Variants in RAB11FIP1 observed in about 807,000 individuals in gnomAD.
RAB11FIP1 encodes the protein RAB11 family interacting protein 1.
RAB11FIP1 carries 49 observed loss-of-function variants against 83.1 expected under a neutral mutation model. The observed-to-expected ratio is 0.59, with a 90% CI of 0.47 to 0.75. The LOEUF is 0.75. Among genes scored for constraint, RAB11FIP1 ranks in the 30% least tolerant of loss-of-function variants. The probability of loss-of-function intolerance (pLI) is 0.00; values close to 1 mark genes in which losing one functional copy is unlikely to be tolerated. For synonymous variants in RAB11FIP1, 670 were observed against 656.0 expected (o/e 1.02, Z -0.33); for missense variants, 1,536 against 1,598.7 (o/e 0.96, Z 0.67).
chr8:37,886,634 C>T (rs903034250), intron 1 of RAB11FIP1, among the ~76,000 whole-genome samples: 3 of 152,166 alleles, frequency 2.0e-5, no homozygotes, highest in Admixed American at 6.5e-5. Context: ...GTCATCTCCA[C>T]GTTAACCAGG....
chr8:37,863,062 C>T lies in RAB11FIP1; in HGVS notation c.3685G>A (p.Glu1229Lys). ...AFAYAQLTHDELIQLVLKQKE... is the reference protein window; with the variant it reads ...AFAYAQLTHDKLIQLVLKQKE... ...TGTTTGAGGACCAGCTGAATCAGCT[C>T]ATCGTGGGTCAGCTGCGCATATGCA... The change falls in exon 6 of 6, where the codon GAG (glutamate) becomes AAG (lysine). Residue 1229 changes from glutamate (E) to lysine (K), a missense_variant. Coordinates refer to ENST00000330843, the MANE Select transcript of RAB11FIP1 (RefSeq NM_001002814.3). 1.9e-6 allele frequency: 3 copies of T among 1,612,800 alleles called. No individual in the cohort carries two copies. Among genetic ancestry groups the T allele is most frequent in the Non-Finnish European group, 2.5e-6 (3 of 1,179,986 alleles).
intron 5 of RAB11FIP1, among the ~76,000 whole-genome samples, chr8:37,863,859 C>G (rs188310571): frequency 2.6e-5 from 4 of 152,288 alleles, no homozygotes; most frequent in Admixed American, 6.5e-5. Context: ...ACTAGGAGCT[C>G]ACACAACCAA....
chr8:37,889,827 G>A (rs114782767), intron 1 of RAB11FIP1, among the ~76,000 whole-genome samples: 4,572 of 151,886 alleles, frequency 0.03, 231 homozygotes, highest in African/African-American at 0.1. Context: ...AGAGTCACCC[G>A]GGCTGGAGTG....
rs765756834 is a variant in RAB11FIP1 at position 37,877,187 on chromosome 8, C to G, written c.736G>C (p.Val246Leu). The G allele has an allele frequency of 3.7e-6, 6 of 1,614,158 alleles. No individual in the cohort carries two copies. The East Asian group carries it at 1.1e-4, about 30-fold the overall frequency. Residue 246 changes from valine to leucine, a missense_variant, in exon 2 of 6, where the codon GTG becomes CTG. By Grantham distance (32) the Val-to-Leu change is conservative. Transcript: ENST00000330843. ...SVLPTSKPEK[V>L]LLRPGDFQSQ... ...TGAAAGTCTCCGGGACGAAGCAGCA[C>G]TTTTTCTGGCTTTGAAGTCGGCAGG...
Position 37,872,314 on chromosome 8 carries a change from C to T in RAB11FIP1, c.2488G>A (p.Gly830Arg), listed in dbSNP as rs1449033464. The T allele has an allele frequency of 7.4e-6, 12 of 1,614,028 alleles. No homozygotes were observed. Among genetic ancestry groups the T allele is most frequent in the Non-Finnish European group, 1.0e-5 (12 of 1,179,966 alleles). ...AVAGAALLVEGHSSCPQELNP... is the reference protein window; with the variant it reads ...AVAGAALLVERHSSCPQELNP... ...AGCTCCTGGGGACAACTGCTGTGTC[C>T]TTCCACCAGCAAGGCAGCCCCCGCC... is the stretch of plus-strand genomic sequence containing the variant. Residue 830 changes from glycine (G) to arginine (R), a missense_variant, in exon 4 of 6, where the codon GGA becomes AGA. Transcript: ENST00000330843.
chr8:37,893,076 C>CTT (rs1167070715), intron 1 of RAB11FIP1, among the ~76,000 whole-genome samples: 58 of 138,098 alleles, frequency 4.2e-4, no homozygotes, highest in African/African-American at 8.3e-4. Flanking sequence ...GTTCTTTTTT[C>CTT]TTTTTTTTTT....
chr8:37,882,924 T>A (rs1806755846), intron 1 of RAB11FIP1, among the ~76,000 whole-genome samples: 1 of 152,164 alleles, frequency 6.6e-6, no homozygotes, highest in Non-Finnish European at 1.5e-5. Context: ...CTTTGGAAAC[T>A]TCCAACACCA....
Position 37,862,570 on chromosome 8 carries a change from A to T in RAB11FIP1, c.*325T>A. On this transcript the variant is annotated 3_prime_UTR_variant, in exon 6 of 6. Transcript: ENST00000330843. The stretch of plus-strand genomic sequence containing the variant: ...ATGAAAGAAAGAAAACCCCAGTGTT[A>T]AAATACATGAATACTTCCTGTGCCA... 4.5e-6 allele frequency: 1 copy of T among 220,062 alleles called. No homozygotes were observed. The highest frequency in any genetic ancestry group is 9.1e-6 in the Non-Finnish European group (1 of 109,378). The allele number at this position is 220,062 out of a possible 1,614,324, so 13.6% of individuals were successfully genotyped here. A position where few individuals can be genotyped will look rare whatever the true frequency, so the allele number is the denominator to read the frequency against.
chr8:37,860,403 G>A lies in RAB11FIP1; in HGVS notation c.*2492C>T, dbSNP rs1419418361. 2.0e-5 allele frequency: 3 copies of A among 152,348 alleles called. No individual in the cohort carries two copies. The highest frequency in any genetic ancestry group is 4.4e-5 in the Non-Finnish European group (3 of 68,198). The allele number at this position is 152,348 out of a possible 1,614,324, so 9.4% of individuals were successfully genotyped here. A position where few individuals can be genotyped will look rare whatever the true frequency, so the allele number is the denominator to read the frequency against. On this transcript the variant is annotated 3_prime_UTR_variant, in exon 6 of 6. Transcript: ENST00000330843. ...GTTGCCCAGGCTGGAGTGCAATGAT[G>A]TGATCTCAGCTCACTGCAACCTCCA...
chr8:37,892,421 ATT>A (rs1318493835), intron 1 of RAB11FIP1, among the ~76,000 whole-genome samples: 1 of 142,438 alleles, frequency 7.0e-6, no homozygotes, highest in Non-Finnish European at 1.5e-5. Context: ...CACTACTTTT[ATT>A]TATATTTATT....
chr8:37,870,941 GT>G, intron 4 of RAB11FIP1: 1 of 306,128 alleles, frequency 3.3e-6, no homozygotes, highest in Non-Finnish European at 6.0e-6. Context: ...GCTTGAAGAA[GT>G]TTTTGACACT....
At chr8:37,876,118 C>T (rs58115916) in intron 2 of RAB11FIP1, among the ~76,000 whole-genome samples, 2,109 of 152,002 alleles carry the variant, frequency 0.014, 43 homozygotes, top group African/African-American at 0.049. Flanking sequence ...TTGCTTAAAC[C>T]CAGGAGGCGG....
chr8:37,899,406 C>G lies in RAB11FIP1; in HGVS notation c.36G>C (p.Gly12=). 1 of 1,589,914 alleles carries G rather than the reference C, an allele frequency of 6.3e-7. No individual in the cohort carries two copies. Among genetic ancestry groups the G allele is most frequent in the South Asian group, 1.1e-5 (1 of 88,910 alleles). ...GCACGTGGGTTGGGGACCACACGGC[C>G]CCCAGGCCCCGGCCAGCCGAGACCA... ...SLMVSAGRGL[G]AVWSPTHVQV... The change falls in exon 1 of 6, where the codon GGG becomes GGC. Residue 12 remains glycine, a synonymous_variant. Transcript: ENST00000330843. The surrounding 1 kb of genome is among the most constrained non-coding windows in gnomAD (Gnocchi z 4.5).
At chr8:37,876,331 C>T (rs1476446616) in intron 2 of RAB11FIP1, among the ~76,000 whole-genome samples, 1 of 151,886 alleles carries the variant, frequency 6.6e-6, no homozygotes, top group Admixed American at 6.6e-5. Context: ...CAATGGTTCA[C>T]ACCGGTCATA....
intron 3 of RAB11FIP1, among the ~76,000 whole-genome samples, chr8:37,873,474 T>C (rs943585991): frequency 1.3e-5 from 2 of 151,912 alleles, no homozygotes; most frequent in Non-Finnish European, 2.9e-5. Context: ...GGTGTGGTGG[T>C]GTGCACCTGT....
At position 37,872,484 on chromosome 8, in the gene RAB11FIP1, G is replaced by C; in HGVS notation, c.2318C>G (p.Pro773Arg). Residue 773 changes from proline (P) to arginine (R), a missense_variant, in exon 4 of 6, where the codon CCC becomes CGC. Pro to Arg is a moderately radical substitution (Grantham distance 103). Transcript: ENST00000330843. ...KARDAAEEVA[P>R]PLPMGASVPS... is the part of the protein sequence containing the mutation. ...GACTGATGCTCCCATGGGAAGAGGG[G>C]GCGCCACTTCTTCAGCTGCATCCCT... The C allele has an allele frequency of 6.2e-7, 1 of 1,614,112 alleles. No homozygotes were observed. The highest frequency in any genetic ancestry group is 8.5e-7 in the Non-Finnish European group (1 of 1,180,006).
At chr8:37,864,409 T>C (rs182097504) in intron 5 of RAB11FIP1, among the ~76,000 whole-genome samples, 1 of 152,350 alleles carries the variant, frequency 6.6e-6, no homozygotes, top group Non-Finnish European at 1.5e-5. Flanking sequence ...AGAATCAAGA[T>C]GATTTTGCTG....
intron 5 of RAB11FIP1, among the ~76,000 whole-genome samples, chr8:37,869,467 C>G (rs1046329752): frequency 6.6e-6 from 1 of 151,990 alleles, no homozygotes; most frequent in Non-Finnish European, 1.5e-5. Flanking sequence ...TGGCGCGCAC[C>G]TACAGTCCCA....
At chr8:37,863,234 T>C (rs1283114027) in intron 5 of RAB11FIP1, 121 bp from the exon 6 acceptor site, 2 of 581,896 alleles carry the variant, frequency 3.4e-6, no homozygotes, top group African/African-American at 3.8e-5. Flanking sequence ...TGGGAATCCA[T>C]TTTCTTTCTT....
Sources: allele counts gnomAD v4.1 joint callset (sites outside exome capture counted in the v4.1 genomes callset), GRCh38; gene constraint gnomAD v4.1.1; non-coding constraint Gnocchi (gnomAD v3.1); transcripts MANE v1.5; gene names NCBI Gene and HGNC (gene_info 2026-07-23, HGNC 2026-07-21).